The following ANKS1B variants were observed in gnomAD, a reference collection of about 807,000 sequenced individuals.
ANKS1B encodes the protein ankyrin repeat and sterile alpha motif domain containing 1B.
ANKS1B carries 36 observed loss-of-function variants against 148.3 expected under a neutral mutation model. That is an observed-to-expected ratio of 0.24 (90% CI 0.19 to 0.32). The LOEUF (loss-of-function observed/expected upper bound fraction) is 0.32, where lower values mean the gene tolerates loss of function less well. ANKS1B is among the 10% of genes least tolerant of loss of function. The pLI, the probability that ANKS1B is intolerant of heterozygous loss-of-function variation, is 1.00. For synonymous variants in ANKS1B, 542 were observed against 560.8 expected (o/e 0.97, Z 0.47); for missense variants, 1,157 against 1,542.6 (o/e 0.75, Z 4.19).
intron 14 of ANKS1B, chr12:99,155,058 C>T (rs540711359): frequency 6.5e-7 from 1 of 1,534,880 alleles, no homozygotes; most frequent in East Asian, 2.4e-5. Context: ...GTGCTTAAAT[C>T]TGAATTGAAT....
At chr12:98,979,988 T>A (rs1349870780) in intron 17 of ANKS1B, among the ~76,000 whole-genome samples, 1 of 152,228 alleles carries the variant, frequency 6.6e-6, no homozygotes, top group Non-Finnish European at 1.5e-5. Flanking sequence ...TTTGGATGAT[T>A]CTCTTACTAT....
At chr12:98,850,867 C>G (rs2099520963) in intron 17 of ANKS1B, among the ~76,000 whole-genome samples, 1 of 152,068 alleles carries the variant, frequency 6.6e-6, no homozygotes, top group African/African-American at 2.4e-5. Context: ...CCAGGCCAGC[C>G]AAGACCTAAC....
intron 10 of ANKS1B, among the ~76,000 whole-genome samples, chr12:99,468,132 C>T (rs954729350): frequency 6.6e-5 from 10 of 152,074 alleles, no homozygotes; most frequent in African/African-American, 2.4e-4. Flanking sequence ...AGAAATAATG[C>T]TGCATATCTA....
chr12:99,868,840 T>C (rs962313498), intron 1 of ANKS1B, among the ~76,000 whole-genome samples: 4 of 151,982 alleles, frequency 2.6e-5, no homozygotes, highest in Non-Finnish European at 5.9e-5. Context: ...GGCAGATCAT[T>C]TGAGATCAGG....
intron 12 of ANKS1B, among the ~76,000 whole-genome samples, chr12:99,314,277 C>G (rs1241366218): frequency 1.3e-5 from 2 of 152,088 alleles, no homozygotes; most frequent in African/African-American, 4.8e-5. Flanking sequence ...AGGACACAAA[C>G]AAAAGGAAGA....
chr12:99,820,186 T>C (rs747561272), intron 2 of ANKS1B, among the ~76,000 whole-genome samples: 7 of 151,926 alleles, frequency 4.6e-5, no homozygotes, highest in Non-Finnish European at 7.4e-5. Flanking sequence ...ACCCAAGAAA[T>C]CACCAGTAGA....
At chr12:99,484,307 AG>A (rs1279407176) in intron 10 of ANKS1B, among the ~76,000 whole-genome samples, 10 of 151,858 alleles carry the variant, frequency 6.6e-5, no homozygotes, top group Non-Finnish European at 1.5e-4. Context: ...TATAGTTTTG[AG>A]GGTTCCTTTT....
intron 17 of ANKS1B, among the ~76,000 whole-genome samples, chr12:98,832,442 A>G (rs1206953459): frequency 1.3e-5 from 2 of 152,084 alleles, no homozygotes; most frequent in Non-Finnish European, 2.9e-5. Flanking sequence ...AGCAGCCGAA[A>G]CCTCACAGGA....
At chr12:99,425,811 A>G (rs1415480613) in intron 11 of ANKS1B, among the ~76,000 whole-genome samples, 1 of 149,674 alleles carries the variant, frequency 6.7e-6, no homozygotes, top group Non-Finnish European at 1.5e-5. Flanking sequence ...TTGCATATTA[A>G]AATTTTAACA....
Position 99,806,362 on chromosome 12 carries a change from AC to A in ANKS1B, c.669+41del, listed in dbSNP as rs772435305. The A allele has an allele frequency of 1.9e-6, 3 of 1,600,608 alleles. No individual in the cohort carries two copies. In the South Asian group the frequency reaches 3.3e-5, roughly 18 times the overall value. Reference sequence around the variant, plus strand: ...CACATTTGAATCCCAAAGCCAAGCAACAGCATCATCACTTTTAAAGCATAGC... The same window carrying A: ...CACATTTGAATCCCAAAGCCAAGCAAAGCATCATCACTTTTAAAGCATAGC... On this transcript the variant is annotated intron_variant, in intron 4 of 26. Transcript: ENST00000683438.
At chr12:99,666,596 A>G (rs773788709) in intron 8 of ANKS1B, among the ~76,000 whole-genome samples, 4 of 151,934 alleles carry the variant, frequency 2.6e-5, no homozygotes, top group Non-Finnish European at 5.9e-5. Flanking sequence ...CAATATTTTT[A>G]TAGTCTTCAG....
chr12:99,292,514 C>CAA (rs58344288), intron 12 of ANKS1B, among the ~76,000 whole-genome samples: 14,400 of 119,758 alleles, frequency 0.12, 2,009 homozygotes, highest in African/African-American at 0.35. Context: ...GACTCCATCT[C>CAA]AAAAAAAAAA....
chr12:98,862,362 AT>A (rs2099603428), intron 17 of ANKS1B, among the ~76,000 whole-genome samples: 1 of 152,170 alleles, frequency 6.6e-6, no homozygotes, highest in Non-Finnish European at 1.5e-5. Flanking sequence ...TAATAATCCC[AT>A]TCTCAAAGGG....
chr12:99,574,995 C>T (rs2097501635), intron 9 of ANKS1B, among the ~76,000 whole-genome samples: 1 of 152,154 alleles, frequency 6.6e-6, no homozygotes, highest in South Asian at 2.1e-4. Context: ...TATTGACAGA[C>T]ATTATTATCA....
chr12:98,940,089 C>T (rs919608311), intron 17 of ANKS1B, among the ~76,000 whole-genome samples: 2 of 152,272 alleles, frequency 1.3e-5, no homozygotes, highest in African/African-American at 4.8e-5. Flanking sequence ...GAGTTCAGGC[C>T]CCACTGTGAA....
chr12:99,103,311 G>A (rs2058418899), intron 15 of ANKS1B, among the ~76,000 whole-genome samples: 1 of 152,070 alleles, frequency 6.6e-6, no homozygotes, highest in Non-Finnish European at 1.5e-5. Flanking sequence ...CAAGTCTCTA[G>A]TCTTACCTTG....
intron 12 of ANKS1B, among the ~76,000 whole-genome samples, chr12:99,388,264 T>C (rs1007823474): frequency 6.6e-6 from 1 of 152,254 alleles, no homozygotes; most frequent in African/African-American, 2.4e-5. Flanking sequence ...TCCCACCCTC[T>C]GTCTTATGTC....
At chr12:99,442,976 A>T (rs967918638) in intron 11 of ANKS1B, among the ~76,000 whole-genome samples, 1 of 151,958 alleles carries the variant, frequency 6.6e-6, no homozygotes, top group Non-Finnish European at 1.5e-5. Context: ...TGGCAAAAAT[A>T]TAATGCAAAC....
intron 17 of ANKS1B, among the ~76,000 whole-genome samples, chr12:98,836,842 A>G (rs1418790988): frequency 6.6e-6 from 1 of 152,244 alleles, no homozygotes; most frequent in Non-Finnish European, 1.5e-5. Context: ...GAAGCAATTC[A>G]GTTCGGCTCA....
Sources: gnomAD v4.1 joint callset for allele counts (sites outside exome capture counted in the v4.1 genomes callset) on GRCh38, gnomAD v4.1.1 for gene constraint, MANE v1.5 for transcripts, NCBI Gene and HGNC (gene_info 2026-07-23, HGNC 2026-07-21) for gene names.